Variants in CAMKMT observed in about 807,000 individuals in gnomAD.
CAMKMT encodes the protein CaM KMT.
CAMKMT carries 53 observed loss-of-function variants against 48.0 expected under a neutral mutation model. The ratio of observed to expected loss-of-function variants is 1.10; its 90% confidence interval spans 0.89 to 1.39. The LOEUF (loss-of-function observed/expected upper bound fraction) is 1.39. CAMKMT is among the 40% of genes most tolerant of loss of function. The probability of loss-of-function intolerance (pLI) is 0.00; values close to 1 mark genes in which losing one functional copy is unlikely to be tolerated. For synonymous variants in CAMKMT, 165 were observed against 152.3 expected (o/e 1.08, Z -0.61); for missense variants, 428 against 402.7 (o/e 1.06, Z -0.54).
chr2:44,525,218 C>A (rs942328587), intron 3 of CAMKMT, among the ~76,000 whole-genome samples: 17 of 152,012 alleles, frequency 1.1e-4, no homozygotes, highest in Non-Finnish European at 1.9e-4. Flanking sequence ...TGACTGAAAT[C>A]CAACAGTAAC....
At chr2:44,579,019 G>T (rs1669394410) in intron 3 of CAMKMT, among the ~76,000 whole-genome samples, 1 of 152,210 alleles carries the variant, frequency 6.6e-6, no homozygotes, top group African/African-American at 2.4e-5. Flanking sequence ...ATTTGTGACT[G>T]AAGTTTGCTA....
At chr2:44,656,355 C>CT (rs200975524) in intron 3 of CAMKMT, among the ~76,000 whole-genome samples, 1,537 of 148,366 alleles carry the variant, frequency 0.01, 35 homozygotes, top group African/African-American at 0.036. Context: ...GAATTTTTTT[C>CT]TTTTTTTTTT....
At chr2:44,520,016 C>T (rs1361810024) in intron 3 of CAMKMT, among the ~76,000 whole-genome samples, 1 of 151,394 alleles carries the variant, frequency 6.6e-6, no homozygotes, top group Non-Finnish European at 1.5e-5. Flanking sequence ...TCGAAACCAT[C>T]CTGGCTAACA....
chr2:44,437,394 G>C (rs138783571), intron 3 of CAMKMT, among the ~76,000 whole-genome samples: 1 of 152,202 alleles, frequency 6.6e-6, no homozygotes, highest in African/African-American at 2.4e-5. Flanking sequence ...CAGGGTTACT[G>C]GGGGGATAGT....
At chr2:44,636,835 A>G (rs1673164076) in intron 3 of CAMKMT, among the ~76,000 whole-genome samples, 1 of 152,126 alleles carries the variant, frequency 6.6e-6, no homozygotes, top group Non-Finnish European at 1.5e-5. Context: ...GTTTCCCCCC[A>G]ACTTTGATTT....
At chr2:44,631,568 T>C (rs908092653) in intron 3 of CAMKMT, 1 of 570,320 alleles carries the variant, frequency 1.8e-6, no homozygotes, top group African/African-American at 2.0e-5. Flanking sequence ...CCTCCCAAAG[T>C]GTGATTAGTA....
intron 3 of CAMKMT, among the ~76,000 whole-genome samples, chr2:44,394,700 T>A (rs1367882953): frequency 6.6e-6 from 1 of 152,208 alleles, no homozygotes; most frequent in Non-Finnish European, 1.5e-5. Flanking sequence ...AGTGCTGGGA[T>A]TATAGGCAAG....
intron 3 of CAMKMT, among the ~76,000 whole-genome samples, chr2:44,612,724 TG>T (rs1671666697): frequency 6.6e-6 from 1 of 152,218 alleles, no homozygotes; most frequent in Admixed American, 6.5e-5. Context: ...GGAGTTTAAA[TG>T]CAGAGTTTAT....
intron 3 of CAMKMT, among the ~76,000 whole-genome samples, chr2:44,563,780 C>T (rs1572809300): frequency 6.6e-6 from 1 of 152,164 alleles, no homozygotes; most frequent in East Asian, 1.9e-4. Flanking sequence ...CAGCTTCATC[C>T]ATGTCCCTAC....
intron 9 of CAMKMT, among the ~76,000 whole-genome samples, chr2:44,762,107 C>G (rs897035058): frequency 6.6e-6 from 1 of 152,108 alleles, no homozygotes; most frequent in Non-Finnish European, 1.5e-5. Flanking sequence ...AAAGACAGGT[C>G]AGAGAAGAGA....
chr2:44,745,774 A>G (rs1412186812), intron 8 of CAMKMT, among the ~76,000 whole-genome samples: 1 of 152,174 alleles, frequency 6.6e-6, no homozygotes, highest in African/African-American at 2.4e-5. Flanking sequence ...TGCTTTGGTA[A>G]TGGTCTCTCT....
At chr2:44,417,401 TA>T (rs1683632749) in intron 3 of CAMKMT, among the ~76,000 whole-genome samples, 2 of 151,914 alleles carry the variant, frequency 1.3e-5, no homozygotes, top group Non-Finnish European at 2.9e-5. Flanking sequence ...TCTCAAAAAA[TA>T]AAAAATAAAA....
At chr2:44,378,167 T>C (rs542119508) in intron 2 of CAMKMT, among the ~76,000 whole-genome samples, 1 of 152,312 alleles carries the variant, frequency 6.6e-6, no homozygotes, top group African/African-American at 2.4e-5. Context: ...CAGAAAACTG[T>C]GAATTCCATT....
intron 3 of CAMKMT, among the ~76,000 whole-genome samples, chr2:44,622,170 T>G (rs1368939157): frequency 1.3e-5 from 2 of 152,208 alleles, no homozygotes; most frequent in African/African-American, 4.8e-5. Flanking sequence ...GTTACTCATT[T>G]TGGTTTCAAA....
intron 5 of CAMKMT, among the ~76,000 whole-genome samples, chr2:44,706,811 G>A (rs1677591282): frequency 6.6e-6 from 1 of 151,902 alleles, no homozygotes; most frequent in South Asian, 2.1e-4. Flanking sequence ...CCCATTCTCT[G>A]GGTTCTGAGT....
intron 3 of CAMKMT, among the ~76,000 whole-genome samples, chr2:44,667,794 C>T (rs1045217566): frequency 1.3e-5 from 2 of 152,174 alleles, no homozygotes; most frequent in African/African-American, 4.8e-5. Context: ...AGCTCCACTC[C>T]AACAGTGTTT....
intron 3 of CAMKMT, among the ~76,000 whole-genome samples, chr2:44,665,131 T>A (rs1227278674): frequency 6.6e-6 from 1 of 152,096 alleles, no homozygotes. Flanking sequence ...AGTGCAGTGG[T>A]GCGATCTCGG....
intron 3 of CAMKMT, among the ~76,000 whole-genome samples, chr2:44,556,874 T>C (rs1276442296): frequency 6.6e-6 from 1 of 151,878 alleles, no homozygotes; most frequent in East Asian, 1.9e-4. Context: ...ACCCAGAAAT[T>C]TGAGACCAGC....
chr2:44,580,441 C>G (rs1388685831), intron 3 of CAMKMT, among the ~76,000 whole-genome samples: 1 of 152,036 alleles, frequency 6.6e-6, no homozygotes, highest in South Asian at 2.1e-4. Context: ...ACCATGGTCA[C>G]AGGACTGAAT....
Sources: gnomAD v4.1 joint callset for allele counts (sites outside exome capture counted in the v4.1 genomes callset) on GRCh38, gnomAD v4.1.1 for gene constraint, MANE v1.5 for transcripts, NCBI Gene and HGNC (gene_info 2026-07-23, HGNC 2026-07-21) for gene names.